The following LSM1 variants were observed in gnomAD, a reference collection of about 807,000 sequenced individuals.
LSM1 encodes the protein U6 snRNA-associated Sm-like protein LSm1.
LSM1 carries 13 observed loss-of-function variants against 18.0 expected under a neutral mutation model. That is an observed-to-expected ratio of 0.72 (90% CI 0.47 to 1.15). The LOEUF is 1.15. Among genes scored for constraint, LSM1 ranks in the 50% most tolerant of loss-of-function variants. The probability of loss-of-function intolerance (pLI) is 0.00; values close to 1 mark genes in which losing one functional copy is unlikely to be tolerated. For missense variants in LSM1, 152 were observed against 157.7 expected, an observed-to-expected ratio of 0.96 and a Z score of 0.19; for synonymous variants, 46 against 56.0, an observed-to-expected ratio of 0.82 and a Z score of 0.80.
chr8:38,171,054 T>C (rs904905152), intron 2 of LSM1: 3 of 419,694 alleles, frequency 7.1e-6, no homozygotes, highest in Middle Eastern at 3.5e-4. Context: ...TTAAGAAAAA[T>C]GCAGGATGCG....
At chr8:38,163,866 T>C in intron 3 of LSM1, 26 bp from the exon 4 acceptor site, 1 of 1,608,498 alleles carries the variant, frequency 6.2e-7, no homozygotes, top group African/African-American at 1.3e-5. Context: ...GTTTGAAAAC[T>C]TCACCTGAAG....
At chr8:38,175,640 C>CT (rs1803120550) in intron 1 of LSM1, among the ~76,000 whole-genome samples, 1 of 150,152 alleles carries the variant, frequency 6.7e-6, no homozygotes, top group African/African-American at 2.5e-5. Context: ...GGGAGGTCTT[C>CT]TTAGTAAAAG....
At chr8:38,165,963 A>G (rs912618630) in intron 3 of LSM1, 1 of 152,224 alleles carries the variant, frequency 6.6e-6, no homozygotes, top group Non-Finnish European at 1.5e-5. Flanking sequence ...AGTATGCTTA[A>G]TATTTTTATT....
At chr8:38,175,719 C>CCAT (rs1803122379) in intron 1 of LSM1, 1 of 151,526 alleles carries the variant, frequency 6.6e-6, no homozygotes, top group South Asian at 2.1e-4. Context: ...AAAGTCAATA[C>CCAT]CATGTCTAAC....
At chr8:38,163,960 G>GA (rs1802884488) in intron 3 of LSM1, 120 bp from the exon 4 acceptor site, 1 of 845,584 alleles carries the variant, frequency 1.2e-6, no homozygotes, top group South Asian at 1.6e-5. Flanking sequence ...GACAGGAACT[G>GA]AAATATCCTT....
intron 3 of LSM1, among the ~76,000 whole-genome samples, chr8:38,166,810 C>G (rs1275226938): frequency 6.6e-6 from 1 of 152,200 alleles, no homozygotes; most frequent in East Asian, 1.9e-4. Context: ...CACCTGCCCT[C>G]CCAACCCATG....
At chr8:38,166,044 C>G (rs1229970714) in intron 3 of LSM1, 1 of 152,358 alleles carries the variant, frequency 6.6e-6, no homozygotes, top group African/African-American at 2.4e-5. Flanking sequence ...ATTTGCGTGT[C>G]ATCCTTAAGC....
intron 3 of LSM1, among the ~76,000 whole-genome samples, chr8:38,169,414 T>G (rs1802988378): frequency 6.6e-6 from 1 of 152,206 alleles, no homozygotes; most frequent in South Asian, 2.1e-4. Flanking sequence ...CCTTTCCCCC[T>G]TTACTAATAT....
chr8:38,165,086 C>T (rs893560275), intron 3 of LSM1, among the ~76,000 whole-genome samples: 12 of 152,132 alleles, frequency 7.9e-5, no homozygotes, highest in Non-Finnish European at 2.9e-5. Flanking sequence ...TGGTGGCTCA[C>T]GCTTGTAATC....
In LSM1 at chr8:38,173,885, G is replaced by A. The variant is rs565257160; in HGVS notation, c.47-1852C>T. On this transcript the variant is annotated intron_variant, in intron 1 of 3. Transcript: ENST00000311351. ...ATCTACTAAAGATTTAAAGAAGTAG[G>A]CCACATGTAATCCAAGTGACCATCT... is the stretch of plus-strand genomic sequence containing the variant. Among the ~76,000 whole-genome samples the A allele has an allele frequency of 3.2e-4, 49 of 152,286 alleles. No individual in the cohort carries two copies. The South Asian group carries it at 9.9e-3, about 31-fold the overall frequency.
intron 3 of LSM1, among the ~76,000 whole-genome samples, chr8:38,167,855 C>G (rs1360939390): frequency 6.6e-6 from 1 of 151,936 alleles, no homozygotes; most frequent in Non-Finnish European, 1.5e-5. Context: ...TTGAATCTAG[C>G]CTGGGCAACA....
In LSM1 at chr8:38,165,647, A is replaced by C. The variant is rs186348952; in HGVS notation, c.232-1807T>G. 2.9e-3 allele frequency among the ~76,000 whole-genome samples: 440 copies of C among 151,848 alleles called. 2 individuals carry two copies. Among genetic ancestry groups the C allele is most frequent in the African/African-American group, 0.01 (428 of 41,394 alleles). The stretch of plus-strand genomic sequence containing the variant: ...AGGAGGCAGAGGTTGCAGTGAGCCA[A>C]GATCACACCACTGCACTCTAGCCTG... On this transcript the variant is annotated intron_variant, in intron 3 of 3. Transcript: ENST00000311351.
At chr8:38,176,712 T>A, upstream of LSM1, 1 of 957,544 alleles carries the variant, frequency 1.0e-6, no homozygotes, top group Non-Finnish European at 1.5e-6. Flanking sequence ...TCCCTCAGCT[T>A]TCGGGGTTCG....
intron 3 of LSM1, among the ~76,000 whole-genome samples, chr8:38,165,438 A>G (rs527784768): frequency 6.6e-6 from 1 of 152,284 alleles, no homozygotes; most frequent in Admixed American, 6.5e-5. Flanking sequence ...GAAAATAGAC[A>G]AACAAGGAAA....
chr8:38,163,515 C>G lies in LSM1; in HGVS notation c.*155G>C, dbSNP rs117235344. Reference sequence around the variant, plus strand: ...TTATTAAAAAAAAAACCCACCTACACGATTTCTTCATGTTGCATATGTAAA... The same window carrying G: ...TTATTAAAAAAAAAACCCACCTACAGGATTTCTTCATGTTGCATATGTAAA... On this transcript the variant is annotated 3_prime_UTR_variant, in exon 4 of 4. Transcript: ENST00000311351. The G allele has an allele frequency of 6.4e-6, 4 of 624,370 alleles. No individual in the cohort carries two copies. In the Admixed American group the frequency reaches 9.4e-5, roughly 15 times the overall value. 38.7% of individuals were successfully genotyped at this position (624,370 alleles called of 1,614,324 possible).
At chr8:38,174,306 C>G (rs959096295) in intron 1 of LSM1, among the ~76,000 whole-genome samples, 1 of 151,880 alleles carries the variant, frequency 6.6e-6, no homozygotes, top group Admixed American at 6.6e-5. Context: ...AAGAAAAAGG[C>G]TAACAACGAA....
At chr8:38,167,064 G>C (rs1802943448) in intron 3 of LSM1, among the ~76,000 whole-genome samples, 1 of 152,136 alleles carries the variant, frequency 6.6e-6, no homozygotes, top group Non-Finnish European at 1.5e-5. Flanking sequence ...AATTTCTCCT[G>C]ATTGCTGATT....
In LSM1 at chr8:38,163,593, C is replaced by G; in HGVS notation, c.*77G>C. 1 of 1,291,276 alleles carries G rather than the reference C, an allele frequency of 7.7e-7. No homozygotes were observed. The highest frequency in any genetic ancestry group is 1.1e-6 in the Non-Finnish European group (1 of 908,572). 80.0% of individuals were successfully genotyped at this position (1,291,276 alleles called of 1,614,324 possible). A position where few individuals can be genotyped will look rare whatever the true frequency, so the allele number is the denominator to read the frequency against. ...AAACTCTACAGTCTGTGATCAAATGCGTGAGGTGGCCAGGATGTCACTTTC... is the reference window on the plus strand; with the variant it reads ...AAACTCTACAGTCTGTGATCAAATGGGTGAGGTGGCCAGGATGTCACTTTC... On this transcript the variant is annotated 3_prime_UTR_variant, in exon 4 of 4. Transcript: ENST00000311351.
intron 1 of LSM1, 121 bp from the exon 2 acceptor site, chr8:38,172,154 A>G: frequency 1.4e-6 from 1 of 705,528 alleles, no homozygotes; most frequent in Non-Finnish European, 2.4e-6. Flanking sequence ...GTGAAGTTCA[A>G]GTTCATTGGA....
Sources: allele counts gnomAD v4.1 joint callset (sites outside exome capture counted in the v4.1 genomes callset), GRCh38; gene constraint gnomAD v4.1.1; transcripts MANE v1.5; gene names NCBI Gene and HGNC (gene_info 2026-07-23, HGNC 2026-07-21).